SRGAP3: variants seen among roughly 807,000 people sequenced by gnomAD.
SRGAP3 encodes SLIT-ROBO Rho GTPase activating protein 3, also known as SLIT-ROBO Rho GTPase-activating protein 3.
SRGAP3 carries 39 observed loss-of-function variants against 121.1 expected under a neutral mutation model. The ratio of observed to expected loss-of-function variants is 0.32; its 90% CI spans 0.25 to 0.42. The LOEUF (loss-of-function observed/expected upper bound fraction) is 0.42. SRGAP3 is among the 10% of genes least tolerant of loss of function. The probability of loss-of-function intolerance (pLI) is 1.00; values close to 1 mark genes in which losing one functional copy is unlikely to be tolerated. For synonymous variants in SRGAP3, 601 were observed against 570.0 expected, an observed-to-expected ratio of 1.05 and a Z score of -0.77; for missense variants, 1,213 against 1,470.6, an observed-to-expected ratio of 0.82 and a Z score of 2.86.
chr3:9,029,278 G>T (rs1460551795), intron 12 of SRGAP3, among the ~76,000 whole-genome samples: 1 of 152,196 alleles, frequency 6.6e-6, no homozygotes, highest in African/African-American at 2.4e-5. Flanking sequence ...AACTCATGAA[G>T]TAGGTAATTG....
intron 3 of SRGAP3, among the ~76,000 whole-genome samples, chr3:9,087,822 G>A (rs1469727037): frequency 1.3e-5 from 2 of 152,118 alleles, no homozygotes; most frequent in Admixed American, 6.6e-5. Context: ...AATGGAGGGT[G>A]GGATGAATGG....
At chr3:9,175,859 T>C (rs1169865151) in intron 1 of SRGAP3, among the ~76,000 whole-genome samples, 1 of 152,230 alleles carries the variant, frequency 6.6e-6, no homozygotes, top group Non-Finnish European at 1.5e-5. Context: ...TTAAAGTGCA[T>C]AGACACATAT....
At chr3:9,274,333 G>C (rs1326094342) in intron 3 of SRGAP3, among the ~76,000 whole-genome samples, 2 of 152,248 alleles carry the variant, frequency 1.3e-5, no homozygotes, top group Non-Finnish European at 2.9e-5. Context: ...AGTGGAACTA[G>C]CCAGCTGCTT....
At chr3:9,101,509 CAG>C (rs1948213672) in intron 3 of SRGAP3, among the ~76,000 whole-genome samples, 2 of 152,342 alleles carry the variant, frequency 1.3e-5, no homozygotes, top group Middle Eastern at 3.4e-3. Context: ...GGACTTGAAG[CAG>C]AGAGGATGTA....
intron 1 of SRGAP3, among the ~76,000 whole-genome samples, chr3:9,194,689 A>G (rs763794209): frequency 1.3e-5 from 2 of 152,246 alleles, no homozygotes; most frequent in African/African-American, 2.4e-5. Flanking sequence ...CAACAGCAAG[A>G]TAGTGCCAAA....
intron 1 of SRGAP3, among the ~76,000 whole-genome samples, chr3:9,151,712 G>C (rs139701834): frequency 6.6e-6 from 1 of 152,324 alleles, no homozygotes; most frequent in African/African-American, 2.4e-5. Context: ...CCCAGCAACA[G>C]GGTCAGCAGG....
At chr3:9,098,611 A>C (rs1375887506) in intron 3 of SRGAP3, among the ~76,000 whole-genome samples, 3 of 152,090 alleles carry the variant, frequency 2.0e-5, no homozygotes, top group Non-Finnish European at 4.4e-5. Context: ...GGGCTCTGGG[A>C]TTGGACACAT....
At position 8,984,233 on chromosome 3, in the gene SRGAP3, A is replaced by C. The variant is rs1194516018; in HGVS notation, c.*1286T>G. The C allele has an allele frequency of 4.4e-6, 1 of 229,798 alleles. No homozygotes were observed. 14.2% of individuals were successfully genotyped at this position (229,798 alleles called of 1,614,324 possible). ...TATGTCACTTGTATTAACTCAACTG[A>C]CAGTGTCCTCTAGGACAGAAAGTGC... is the stretch of plus-strand genomic sequence containing the variant. On this transcript the variant is annotated 3_prime_UTR_variant, in exon 22 of 22. Coordinates refer to ENST00000383836, the MANE Select transcript of SRGAP3 (RefSeq NM_014850.4).
At chr3:9,301,006 C>G (rs1191691127) in intron 3 of SRGAP3, among the ~76,000 whole-genome samples, 1 of 152,166 alleles carries the variant, frequency 6.6e-6, no homozygotes, top group Non-Finnish European at 1.5e-5. Context: ...AGCTCAGCAC[C>G]TCTGGGAGCA....
rs773518829 is a variant in SRGAP3, at chr3:9,056,216, C to A, written c.1125+17G>T. 1.9e-6 allele frequency: 3 copies of A among 1,611,962 alleles called. No homozygotes were observed. Among genetic ancestry groups the A allele is most frequent in the African/African-American group, 1.3e-5 (1 of 74,886 alleles). ...CTTCCAAAGAAAATCCCTTATAGGG[C>A]AGAGGGGCTCACTCACCTCCTCATT... On this transcript the variant is annotated intron_variant, in intron 8 of 21. Transcript: ENST00000383836.
At chr3:9,199,349 T>A (rs1952004261) in intron 1 of SRGAP3, among the ~76,000 whole-genome samples, 2 of 152,240 alleles carry the variant, frequency 1.3e-5, no homozygotes, top group Non-Finnish European at 2.9e-5. Context: ...GGTGGAGGGT[T>A]CGGTTTTGTT....
At chr3:9,221,681 A>AGTTC (rs1184581318) in intron 1 of SRGAP3, among the ~76,000 whole-genome samples, 11 of 152,214 alleles carry the variant, frequency 7.2e-5, no homozygotes, top group African/African-American at 2.2e-4. Context: ...TCCCAGTCAG[A>AGTTC]ACTCTGCTTC....
upstream of SRGAP3, among the ~76,000 whole-genome samples, chr3:9,250,430 A>T (rs1953980603): frequency 6.6e-6 from 1 of 152,190 alleles, no homozygotes; most frequent in South Asian, 2.1e-4. Flanking sequence ...AAGCATTGTG[A>T]ATGGTGCCCC....
chr3:8,986,247 C>T (rs1400098373), intron 21 of SRGAP3, among the ~76,000 whole-genome samples: 1 of 152,162 alleles, frequency 6.6e-6, no homozygotes, highest in Non-Finnish European at 1.5e-5. Flanking sequence ...TATGCAAGTT[C>T]CCTCATCCCT....
chr3:9,081,960 G>A (rs970044274), intron 3 of SRGAP3, among the ~76,000 whole-genome samples: 2 of 152,206 alleles, frequency 1.3e-5, no homozygotes, highest in African/African-American at 2.4e-5. Context: ...GGAGCCCTCA[G>A]GAATGGGATT....
chr3:9,164,276 T>TTTTATTTATTTATTTATTTA (rs111936459), intron 1 of SRGAP3, among the ~76,000 whole-genome samples: 29,306 of 140,584 alleles, frequency 0.21, 4,334 homozygotes, highest in Non-Finnish European at 0.32. Context: ...ACCCAGACTA[T>TTTTATTTATTTATTTATTTA]TTTATTTATT....
chr3:9,355,126 AAT>A, intron 1 of SRGAP3, among the ~76,000 whole-genome samples: 1 of 152,172 alleles, frequency 6.6e-6, no homozygotes, highest in Non-Finnish European at 1.5e-5. Context: ...TAAACCAGCA[AAT>A]CTGCTAAGTC....
chr3:9,162,767 T>A (rs888705377), intron 1 of SRGAP3, among the ~76,000 whole-genome samples: 1 of 152,166 alleles, frequency 6.6e-6, no homozygotes, highest in Non-Finnish European at 1.5e-5. Flanking sequence ...CCTCACTGAG[T>A]CTCAGCTTCC....
At chr3:9,082,507 A>G (rs984183593) in intron 3 of SRGAP3, among the ~76,000 whole-genome samples, 4 of 152,240 alleles carry the variant, frequency 2.6e-5, no homozygotes, top group African/African-American at 9.6e-5. Context: ...TAGAACTGTG[A>G]GAAATACATT....
Sources: allele counts gnomAD v4.1 joint callset (sites outside exome capture counted in the v4.1 genomes callset), GRCh38; gene constraint gnomAD v4.1.1; transcripts MANE v1.5; gene names NCBI Gene and HGNC (gene_info 2026-07-23, HGNC 2026-07-21).